The following MYOM2 variants were observed in gnomAD, a reference collection of about 807,000 sequenced individuals.
MYOM2 encodes the protein myomesin 2, also known as myomesin-2.
A neutral mutation model predicts 187.6 loss-of-function variants in MYOM2; 254 were observed. That is an observed-to-expected ratio of 1.35 (90% CI 1.22 to 1.50). The LOEUF (loss-of-function observed/expected upper bound fraction) is 1.50, where lower values mean the gene tolerates loss of function less well. Among genes scored for constraint, MYOM2 ranks in the 40% most tolerant of loss-of-function variants. The pLI is 0.00. For synonymous variants in MYOM2, 981 were observed against 753.8 expected, an observed-to-expected ratio of 1.30 and a Z score of -4.94; for missense variants, 2,796 against 1,924.0, an observed-to-expected ratio of 1.45 and a Z score of -8.48.
intron 25 of MYOM2, among the ~76,000 whole-genome samples, chr8:2,112,982 G>A (rs933418462): frequency 4.1e-4 from 63 of 152,324 alleles, no homozygotes; most frequent in East Asian, 3.9e-4. Flanking sequence ...GTGGCCCCAA[G>A]AGCCTCCTTG....
intron 10 of MYOM2, among the ~76,000 whole-genome samples, chr8:2,075,643 C>T (rs1006049242): frequency 2.6e-5 from 4 of 152,204 alleles, no homozygotes; most frequent in Admixed American, 2.0e-4. Context: ...AACCTAATTG[C>T]ATTAGGGTCA....
intron 28 of MYOM2, among the ~76,000 whole-genome samples, chr8:2,120,675 T>TATATATATATATATATATATATATA (rs1220891042): frequency 2.7e-4 from 11 of 41,418 alleles, no homozygotes; most frequent in Non-Finnish European, 5.2e-4. Flanking sequence ...TATATATATA[T>TATATATATATATATATATATATATA]TATATTATAT....
chr8:2,108,641 C>G, intron 23 of MYOM2, 145 bp from the exon 24 acceptor site: 1 of 792,928 alleles, frequency 1.3e-6, no homozygotes, highest in Non-Finnish European at 2.1e-6. Context: ...CTCTATGTCC[C>G]TCAGACTTGT....
rs879252023 is a variant in MYOM2, at chr8:2,069,357, G to A, written c.733G>A (p.Val245Met). Reference sequence around the variant, plus strand: ...ACAAGTGTCCACCAACGCGGCGGTGGTGGTGAGAAGTGAGTGCCGGGTGGG... The same window carrying A: ...ACAAGTGTCCACCAACGCGGCGGTGATGGTGAGAAGTGAGTGCCGGGTGGG... ...HGQVSTNAAVVVRRFRGDEEP... is the reference protein window; with the variant it reads ...HGQVSTNAAVMVRRFRGDEEP... The change falls in exon 7 of 37, where the codon GTG becomes ATG. Residue 245 changes from valine (V) to methionine (M), a missense_variant. Val to Met is a conservative substitution (Grantham distance 21, BLOSUM62 1). Coordinates refer to ENST00000262113, the MANE Select transcript of MYOM2 (RefSeq NM_003970.4). 1 of 1,614,006 alleles carries A rather than the reference G, an allele frequency of 6.2e-7. No homozygotes were observed. Among genetic ancestry groups the A allele is most frequent in the East Asian group, 2.2e-5 (1 of 44,878 alleles).
rs745747740 is a variant in MYOM2 at position 2,072,468 on chromosome 8, A to G, written c.917A>G (p.Asp306Gly). The change falls in exon 9 of 37, where the codon GAC becomes GGC. Residue 306 changes from aspartate (D) to glycine (G), a missense_variant. Physicochemically the swap from Asp to Gly is moderately conservative, Grantham distance 94 (BLOSUM62 -1). Coordinates refer to ENST00000262113, the MANE Select transcript of MYOM2 (RefSeq NM_003970.4). ...AAGTGCACCATGCTGGTGACGCCGG[A>G]CCTGAAGCGGGTGCAGCCGCGCGCC... ...TLKCTMLVTP[D>G]LKRVQPRAEW... is the part of the protein sequence containing the mutation. The G allele has an allele frequency of 6.2e-7, 1 of 1,614,008 alleles. No homozygotes were observed. The highest frequency in any genetic ancestry group is 8.5e-7 in the Non-Finnish European group (1 of 1,180,030).
chr8:2,118,412 A>G (rs78347484), intron 28 of MYOM2, among the ~76,000 whole-genome samples: 4,042 of 152,296 alleles, frequency 0.027, 64 homozygotes, highest in Middle Eastern at 0.044. Flanking sequence ...CAAATCTTCA[A>G]TTTAATAACT....
Position 2,120,680 on chromosome 8 carries a change from T to TATAATA in MYOM2, c.3454-2572_3454-2571insATAATA. Among the ~76,000 whole-genome samples the TATAATA allele has an allele frequency of 2.6e-3, 123 of 47,802 alleles. 4 individuals carry two copies. The highest frequency in any genetic ancestry group is 3.7e-3 in the Non-Finnish European group (89 of 24,098). The allele number at this position is 47,802 out of a possible 152,430, so 31.4% of individuals were successfully genotyped here. A position where few individuals can be genotyped will look rare whatever the true frequency, so the allele number is the denominator to read the frequency against. On this transcript the variant is annotated intron_variant, in intron 28 of 36. Coordinates refer to ENST00000262113, the MANE Select transcript of MYOM2 (RefSeq NM_003970.4). ...CCTGTATATATATATATATATTATA[T>TATAATA]TATATATAAATATATAATATATATA...
At chr8:2,085,455 T>G in intron 14 of MYOM2, 65 bp downstream of exon 14, 1 of 1,561,834 alleles carries the variant, frequency 6.4e-7, no homozygotes. Flanking sequence ...TCATGATCTC[T>G]GCGTGGCCCA....
intron 30 of MYOM2, 109 bp downstream of exon 30, chr8:2,123,751 T>G: frequency 1.1e-6 from 1 of 915,620 alleles, no homozygotes; most frequent in Non-Finnish European, 1.7e-6. Flanking sequence ...GCACACATTG[T>G]GTCTTTAGCA....
intron 14 of MYOM2, among the ~76,000 whole-genome samples, chr8:2,087,623 AT>A (rs534316877): frequency 1.0e-3 from 154 of 152,004 alleles, no homozygotes; most frequent in Non-Finnish European, 1.7e-3. Flanking sequence ...TTTTGTTTTT[AT>A]TTTTGAGACC....
intron 21 of MYOM2, 152 bp from the exon 22 acceptor site, chr8:2,106,090 T>C (rs574981613): frequency 9.4e-6 from 7 of 741,964 alleles, no homozygotes; most frequent in Non-Finnish European, 1.5e-5. Context: ...ACCCCCGTGA[T>C]CCAATCACCT....
chr8:2,086,459 CACGTGGCCACA>C (rs1796068656), intron 14 of MYOM2, among the ~76,000 whole-genome samples: 4 of 123,684 alleles, frequency 3.2e-5, no homozygotes, highest in Non-Finnish European at 5.1e-5. Context: ...TCGTGATCTC[CACGTGGCCACA>C]CACTGTCATG....
Position 2,086,376 on chromosome 8 carries a change from TCTGCGTGGCCTC to T in MYOM2, c.1644+988_1644+999del, listed in dbSNP as rs1796051713. Among the ~76,000 whole-genome samples the T allele has an allele frequency of 9.5e-5, 12 of 126,496 alleles. 1 individual carries two copies. Among genetic ancestry groups the T allele is most frequent in the African/African-American group, 1.4e-4 (4 of 28,790 alleles). The allele number at this position is 126,496 out of a possible 152,430, so 83.0% of individuals were successfully genotyped here. ...TGCGTGGCCTCCCACTGTTGTGATC[TCTGCGTGGCCTC>T]CCACTGTTGTGATCTCTGCGTGGCC... On this transcript the variant is annotated intron_variant, in intron 14 of 36. Transcript: ENST00000262113.
chr8:2,085,190 C>T (rs1819768725), intron 13 of MYOM2, 73 bp from the exon 14 acceptor site: 12 of 1,559,578 alleles, frequency 7.7e-6, no homozygotes, highest in Non-Finnish European at 9.6e-6. Context: ...CAGAGTCCTC[C>T]AGTGCCCCGA....
chr8:2,077,584 C>G (rs1303150951), intron 11 of MYOM2, among the ~76,000 whole-genome samples: 4 of 152,078 alleles, frequency 2.6e-5, no homozygotes, highest in Non-Finnish European at 5.9e-5. Context: ...GAGTGCTGTT[C>G]CGGGCTTACC....
rs1330774187 is a variant in MYOM2 at position 2,142,722 on chromosome 8, C to G, written c.4024+325C>G. On this transcript the variant is annotated intron_variant, in intron 35 of 36. Coordinates refer to ENST00000262113, the MANE Select transcript of MYOM2 (RefSeq NM_003970.4). ...CCCCTCCCCTTCCCTCCCTCCCTCC[C>G]TCCCTCCCTTCCTCCCTTCCTCCCC... is the stretch of plus-strand genomic sequence containing the variant. Among the ~76,000 whole-genome samples, 22 of 13,874 alleles carry G rather than the reference C, an allele frequency of 1.6e-3. 1 individual carries two copies. The highest frequency in any genetic ancestry group is 0.015 in the Admixed American group (13 of 892). The allele number at this position is 13,874 out of a possible 152,430, so 9.1% of individuals were successfully genotyped here.
chr8:2,091,016 C>CTTTTTTTTTTTTTTTTT (rs35873643), intron 15 of MYOM2, among the ~76,000 whole-genome samples: 1 of 86,526 alleles, frequency 1.2e-5, no homozygotes. Flanking sequence ...AATGATAGTT[C>CTTTTTTTTTTTTTTTTT]TTTTTTTTTT....
intron 24 of MYOM2, among the ~76,000 whole-genome samples, chr8:2,109,124 AT>A (rs1193514493): frequency 6.6e-6 from 1 of 152,206 alleles, no homozygotes; most frequent in East Asian, 1.9e-4. Context: ...CTGTTATTGA[AT>A]TGCATTAAAT....
In MYOM2 at chr8:2,057,730, T is replaced by C; in HGVS notation, c.510T>C (p.Ser170=). ...LRSHTVWERM[S]VKLCFTVQGF... is the part of the protein sequence containing the mutation. ...CCCACACCGTCTGGGAGAGGATGTCTGTGAAACTCTGCTTCACCGTGCAAG... is the reference window on the plus strand; with the variant it reads ...CCCACACCGTCTGGGAGAGGATGTCCGTGAAACTCTGCTTCACCGTGCAAG... The change falls in exon 5 of 37, where the codon TCT becomes TCC. Residue 170 remains serine, a synonymous_variant. Coordinates refer to ENST00000262113, the MANE Select transcript of MYOM2 (RefSeq NM_003970.4). 2.5e-6 allele frequency: 4 copies of C among 1,614,136 alleles called. No homozygotes were observed. Among genetic ancestry groups the C allele is most frequent in the Non-Finnish European group, 3.4e-6 (4 of 1,180,024 alleles).
Sources: gnomAD v4.1 joint callset for allele counts (sites outside exome capture counted in the v4.1 genomes callset) on GRCh38, gnomAD v4.1.1 for gene constraint, MANE v1.5 for transcripts, NCBI Gene and HGNC (gene_info 2026-07-23, HGNC 2026-07-21) for gene names.